The following RUBCN variants were observed in gnomAD, a reference collection of about 807,000 sequenced individuals.
RUBCN encodes rubicon autophagy regulator, also known as run domain Beclin-1-interacting and cysteine-rich domain-containing protein.
Under a neutral mutation model 113.2 loss-of-function variants are expected in RUBCN, and 74 were observed. The ratio of observed to expected loss-of-function variants is 0.65; its 90% CI spans 0.54 to 0.79. RUBCN has a LOEUF of 0.79. Ranked by LOEUF, RUBCN falls within the 30% of genes least tolerant of loss-of-function variation. The probability of loss-of-function intolerance (pLI) is 0.00; values close to 1 mark genes in which losing one functional copy is unlikely to be tolerated. For missense variants in RUBCN, 1,109 were observed against 1,251.7 expected (o/e 0.89, Z 1.72); for synonymous variants, 480 against 490.0 (o/e 0.98, Z 0.27).
chr3:197,675,387 A>G lies in RUBCN; in HGVS notation c.2740+35T>C. 1 of 1,580,140 alleles carries G rather than the reference A, an allele frequency of 6.3e-7. No homozygotes were observed. The highest frequency in any genetic ancestry group is 1.1e-5 in the South Asian group (1 of 90,394). On this transcript the variant is annotated intron_variant, in intron 19 of 19. Transcript: ENST00000296343. This position sits in a 1 kb window ranked among gnomAD's most constrained non-coding sequence, Gnocchi z 4.4. ...TGGGGAATCAAGGAGCCCTGTGTTCAGGCTCACTTGCCCGATGCCTGCACC... is the reference window on the plus strand; with the variant it reads ...TGGGGAATCAAGGAGCCCTGTGTTCGGGCTCACTTGCCCGATGCCTGCACC...
intron 1 of RUBCN, among the ~76,000 whole-genome samples, chr3:197,732,233 A>C (rs187802354): frequency 5.2e-4 from 79 of 152,234 alleles, no homozygotes; most frequent in African/African-American, 1.9e-3. Flanking sequence ...CAGTCTAGGG[A>C]GACAGTACAC....
At chr3:197,703,946 G>A (rs952593659) in intron 4 of RUBCN, among the ~76,000 whole-genome samples, 15 of 152,300 alleles carry the variant, frequency 9.8e-5, no homozygotes, top group East Asian at 7.7e-4. Flanking sequence ...CCCAACTCTC[G>A]GGGCTGCTGT....
At chr3:197,737,003 A>G (rs1307642953), upstream of RUBCN, 1 of 1,156,814 alleles carries the variant, frequency 8.6e-7, no homozygotes, top group Non-Finnish European at 1.1e-6. Context: ...GCGCTCGCAG[A>G]CCGCGCCCCT....
chr3:197,681,179 C>A lies in RUBCN; in HGVS notation c.2380G>T (p.Asp794Tyr), dbSNP rs768201368. ...IWNDPLFNVQ[D>Y]INSALYRKVK... ...TTCCTATAGAGGGCACTGTTTATGT[C>A]CTGCACGTTGAAGAGAGGATCATTC... is the stretch of plus-strand genomic sequence containing the variant. Residue 794 changes from aspartate (D) to tyrosine (Y), a missense_variant, in exon 16 of 20, where the codon GAC becomes TAC. By Grantham distance (160) the Asp-to-Tyr change is radical. Transcript: ENST00000296343. This position sits in a 1 kb window ranked among gnomAD's most constrained non-coding sequence, Gnocchi z 5.5. 4.3e-6 allele frequency: 7 copies of A among 1,614,086 alleles called. No individual in the cohort carries two copies. In the South Asian group the frequency reaches 7.7e-5, roughly 18 times the overall value.
At chr3:197,695,494 G>C (rs752454580) in intron 9 of RUBCN, among the ~76,000 whole-genome samples, 1 of 152,066 alleles carries the variant, frequency 6.6e-6, no homozygotes. Flanking sequence ...CCAGCTACTC[G>C]GGAGGCTGAG....
chr3:197,736,913 C>T, upstream of RUBCN: 1 of 1,359,190 alleles, frequency 7.4e-7, no homozygotes, highest in Non-Finnish European at 9.4e-7. Context: ...ACCCCCACTT[C>T]CGGCTCCGGG....
intron 2 of RUBCN, among the ~76,000 whole-genome samples, chr3:197,713,635 T>G (rs1331815370): frequency 6.6e-6 from 1 of 152,084 alleles, no homozygotes; most frequent in Non-Finnish European, 1.5e-5. Context: ...TCTTCTGGAT[T>G]TAGAGTTCAG....
At chr3:197,717,111 AC>A in intron 2 of RUBCN, among the ~76,000 whole-genome samples, 1 of 150,762 alleles carries the variant, frequency 6.6e-6, no homozygotes, top group South Asian at 2.1e-4. Flanking sequence ...ACAGAGCGAG[AC>A]CCCGTCTCAA....
chr3:197,675,401 G>C lies in RUBCN; in HGVS notation c.2740+21C>G. 6.3e-7 allele frequency: 1 copy of C among 1,599,048 alleles called. No individual in the cohort carries two copies. The highest frequency in any genetic ancestry group is 8.6e-7 in the Non-Finnish European group (1 of 1,166,956). On this transcript the variant is annotated intron_variant, in intron 19 of 19. Coordinates refer to ENST00000296343, the MANE Select transcript of RUBCN (RefSeq NM_014687.4). The surrounding 1 kb of genome is among the most constrained non-coding windows in gnomAD (Gnocchi z 4.4). ...GCCCTGTGTTCAGGCTCACTTGCCCGATGCCTGCACCTGCCCTCACCTTCA... is the reference window on the plus strand; with the variant it reads ...GCCCTGTGTTCAGGCTCACTTGCCCCATGCCTGCACCTGCCCTCACCTTCA...
intron 1 of RUBCN, among the ~76,000 whole-genome samples, chr3:197,728,743 G>A (rs1463376768): frequency 1.3e-5 from 2 of 152,174 alleles, no homozygotes; most frequent in African/African-American, 4.8e-5. Flanking sequence ...CGTAATGGGG[G>A]AAATGGACAC....
chr3:197,669,294 T>C lies in RUBCN; in HGVS notation c.*5724A>G, dbSNP rs1254070430. The stretch of plus-strand genomic sequence containing the variant: ...TTTTTCACTAATATCCTTTCTCCAT[T>C]TCGGGATCCCACCCGGGATCCCACA... On this transcript the variant is annotated 3_prime_UTR_variant, in exon 20 of 20. Transcript: ENST00000296343. Among the ~76,000 whole-genome samples, 1 of 152,210 alleles carries C rather than the reference T, an allele frequency of 6.6e-6. No individual in the cohort carries two copies. Among genetic ancestry groups the C allele is most frequent in the Non-Finnish European group, 1.5e-5 (1 of 68,036 alleles).
intron 1 of RUBCN, among the ~76,000 whole-genome samples, chr3:197,724,095 A>G (rs1395473813): frequency 2.0e-5 from 3 of 152,146 alleles, no homozygotes; most frequent in African/African-American, 7.2e-5. Flanking sequence ...CTCACAACGA[A>G]GCCAATCTCA....
intron 2 of RUBCN, among the ~76,000 whole-genome samples, chr3:197,706,639 G>A (rs1414273408): frequency 2.0e-5 from 3 of 152,104 alleles, no homozygotes; most frequent in South Asian, 2.1e-4. Flanking sequence ...AGCCGAGATC[G>A]TGCTACTACA....
At chr3:197,699,323 G>C in intron 7 of RUBCN, 1 of 924,806 alleles carries the variant, frequency 1.1e-6, no homozygotes, top group Non-Finnish European at 1.7e-6. Flanking sequence ...TTACCCAGCA[G>C]AAGTGGGGAT....
intron 1 of RUBCN, among the ~76,000 whole-genome samples, chr3:197,735,732 C>G (rs1728048080): frequency 6.6e-6 from 1 of 151,972 alleles, no homozygotes; most frequent in Admixed American, 6.6e-5. Context: ...GCTGGCACCA[C>G]AGGTGAGCAC....
intron 11 of RUBCN, among the ~76,000 whole-genome samples, chr3:197,684,756 A>T (rs962860694): frequency 2.0e-5 from 3 of 151,942 alleles, no homozygotes; most frequent in Non-Finnish European, 2.9e-5. Context: ...GTATATATAT[A>T]CATATATAAA....
intron 1 of RUBCN, 142 bp downstream of exon 1, chr3:197,736,513 G>A (rs1728143899): frequency 2.3e-6 from 1 of 435,364 alleles, no homozygotes; most frequent in East Asian, 8.7e-5. Context: ...TCTGCGAAAT[G>A]CTTCCCAAAC....
At chr3:197,700,534 G>A in intron 7 of RUBCN, 79 bp downstream of exon 7, 1 of 1,420,468 alleles carries the variant, frequency 7.0e-7, no homozygotes, top group Non-Finnish European at 9.9e-7. Context: ...TCTGCCACCT[G>A]AAAAGTCCCC....
At chr3:197,696,036 C>T (rs140623568) in intron 8 of RUBCN, 55 bp from the exon 9 acceptor site, 8 of 1,546,718 alleles carry the variant, frequency 5.2e-6, no homozygotes, top group Non-Finnish European at 7.1e-6. Flanking sequence ...AAGTCTTAAG[C>T]TTTTGTCATT....
Sources: allele counts gnomAD v4.1 joint callset (sites outside exome capture counted in the v4.1 genomes callset), GRCh38; gene constraint gnomAD v4.1.1; non-coding constraint Gnocchi (gnomAD v3.1); transcripts MANE v1.5; gene names NCBI Gene and HGNC (gene_info 2026-07-23, HGNC 2026-07-21).